Variants in ZCCHC4 observed in about 807,000 individuals in gnomAD.
ZCCHC4 encodes zinc finger CCHC-type containing 4.
In ZCCHC4, 54 loss-of-function variants were observed where a neutral mutation model predicts 67.7. The ratio of observed to expected loss-of-function variants is 0.80; its 90% confidence interval spans 0.64 to 1.00. The LOEUF (loss-of-function observed/expected upper bound fraction) is 1.00, where lower values mean the gene tolerates loss of function less well. Ranked by LOEUF, ZCCHC4 falls within the 50% of genes least tolerant of loss-of-function variation. The pLI, the probability that ZCCHC4 is intolerant of heterozygous loss-of-function variation, is 0.00. For synonymous variants in ZCCHC4, 198 were observed against 213.5 expected (o/e 0.93, Z 0.63); for missense variants, 609 against 617.0 (o/e 0.99, Z 0.14).
At chr4:25,328,807 T>C (rs1323461095) in intron 3 of ZCCHC4, among the ~76,000 whole-genome samples, 30 of 152,242 alleles carry the variant, frequency 2.0e-4, no homozygotes. Context: ...GGTCTCGAAC[T>C]CCTGGGCTCA....
intron 5 of ZCCHC4, among the ~76,000 whole-genome samples, chr4:25,339,846 T>C (rs1719638876): frequency 6.6e-6 from 1 of 152,124 alleles, no homozygotes; most frequent in African/African-American, 2.4e-5. Context: ...TTTTTGCTTT[T>C]ACACTTAGGT....
rs553713697 is a variant in ZCCHC4, at chr4:25,318,556, T to C, written c.329+3156T>C. Among the ~76,000 whole-genome samples the C allele has an allele frequency of 4.2e-4, 64 of 151,798 alleles. No homozygotes were observed. In the South Asian group the frequency reaches 9.2e-3, roughly 22 times the overall value. On this transcript the variant is annotated intron_variant, in intron 3 of 12. Transcript: ENST00000302874. ...TTTTAGTAGAGACGGGGTTTCACCA[T>C]GTTGGCCAGGCTGGTGTCAAACTCC...
intron 1 of ZCCHC4, 140 bp from the exon 2 acceptor site, chr4:25,313,906 C>A: frequency 1.7e-6 from 1 of 603,926 alleles, no homozygotes; most frequent in Non-Finnish European, 2.9e-6. Flanking sequence ...AAAAAACAAC[C>A]AACCAAAGAG....
rs1720655934 is a variant in ZCCHC4 at position 25,359,869 on chromosome 4, T to C, written c.1012-1990T>C. 6.6e-6 allele frequency among the ~76,000 whole-genome samples: 1 copy of C among 152,214 alleles called. No homozygotes were observed. Among genetic ancestry groups the C allele is most frequent in the African/African-American group, 2.4e-5 (1 of 41,468 alleles). ...ATGAGGGAACTGGCCGAGGTTTCCC[T>C]CCCGAGGAGGCCACATGTGAAATTA... On this transcript the variant is annotated intron_variant, in intron 8 of 12. Coordinates refer to ENST00000302874, the MANE Select transcript of ZCCHC4 (RefSeq NM_024936.3). The surrounding 1 kb of genome is among the most constrained non-coding windows in gnomAD (Gnocchi z 4.9).
chr4:25,350,538 G>A (rs938251144), intron 7 of ZCCHC4, among the ~76,000 whole-genome samples: 3 of 152,006 alleles, frequency 2.0e-5, no homozygotes, highest in African/African-American at 7.2e-5. Context: ...CAAAGTGCTG[G>A]ATTACAGGCG....
At chr4:25,337,494 C>T (rs1355833475) in intron 5 of ZCCHC4, among the ~76,000 whole-genome samples, 3 of 152,156 alleles carry the variant, frequency 2.0e-5, no homozygotes, top group East Asian at 1.9e-4. Flanking sequence ...AGCAAAACTC[C>T]AGAGAGTGTT....
At chr4:25,320,649 A>G (rs1322542790) in intron 3 of ZCCHC4, among the ~76,000 whole-genome samples, 1 of 152,226 alleles carries the variant, frequency 6.6e-6, no homozygotes, top group African/African-American at 2.4e-5. Context: ...ACCTTTTAGA[A>G]GGCCATGTGT....
At chr4:25,352,098 T>A (rs1287704772) in intron 8 of ZCCHC4, 13 of 988,482 alleles carry the variant, frequency 1.3e-5, no homozygotes, top group Non-Finnish European at 1.6e-5. Context: ...TAAATCACCT[T>A]TGTGGTTGGT....
At chr4:25,324,308 C>T (rs1487293095) in intron 3 of ZCCHC4, among the ~76,000 whole-genome samples, 1 of 151,906 alleles carries the variant, frequency 6.6e-6, no homozygotes, top group Non-Finnish European at 1.5e-5. Flanking sequence ...AGCCACTGTG[C>T]CTGGCCAGTA....
At chr4:25,329,516 C>T (rs1164939540) in intron 3 of ZCCHC4, among the ~76,000 whole-genome samples, 9 of 143,548 alleles carry the variant, frequency 6.3e-5, no homozygotes, top group Non-Finnish European at 9.1e-5. Context: ...TTGTAGATTT[C>T]GTCTTTTTAT....
At chr4:25,365,615 C>A (rs907668105) in intron 12 of ZCCHC4, 1 of 986,028 alleles carries the variant, frequency 1.0e-6, no homozygotes, top group African/African-American at 1.7e-5. Flanking sequence ...AAAGCTATTT[C>A]TTTGTATCAA....
At chr4:25,344,766 T>G (rs1057143569) in intron 5 of ZCCHC4, among the ~76,000 whole-genome samples, 12 of 151,472 alleles carry the variant, frequency 7.9e-5, no homozygotes, top group Non-Finnish European at 1.8e-4. Flanking sequence ...CATATTTTAT[T>G]AAGCTAGCCT....
chr4:25,317,704 C>CAA (rs778867924), intron 3 of ZCCHC4, among the ~76,000 whole-genome samples: 4,129 of 72,132 alleles, frequency 0.057, 280 homozygotes, highest in South Asian at 0.095. Context: ...GACGCTGTCA[C>CAA]AAAAAAAAAA....
chr4:25,323,419 TATCACTATGAAA>T (rs1477246636), intron 3 of ZCCHC4, among the ~76,000 whole-genome samples: 1 of 151,252 alleles, frequency 6.6e-6, no homozygotes, highest in Non-Finnish European at 1.5e-5. Flanking sequence ...TTTTTTTTCA[TATCACTATGAAA>T]ATATGTATTT....
At chr4:25,361,483 A>G (rs1019484163) in intron 8 of ZCCHC4, among the ~76,000 whole-genome samples, 1 of 152,250 alleles carries the variant, frequency 6.6e-6, no homozygotes, top group Admixed American at 6.5e-5. Flanking sequence ...TGTGAGGCTC[A>G]TTAGGTGATC....
intron 5 of ZCCHC4, among the ~76,000 whole-genome samples, chr4:25,337,598 A>C (rs1052087984): frequency 2.0e-5 from 3 of 152,166 alleles, no homozygotes; most frequent in Admixed American, 1.3e-4. Context: ...CCAATCACAC[A>C]GAGTTGGTTC....
chr4:25,364,902 C>A, intron 11 of ZCCHC4, 120 bp from the exon 12 acceptor site: 2 of 1,344,844 alleles, frequency 1.5e-6, no homozygotes, highest in Non-Finnish European at 2.0e-6. Flanking sequence ...CTAAAACTAG[C>A]TGTGCAAACT....
intron 8 of ZCCHC4, chr4:25,352,082 G>A (rs1448632321): frequency 2.0e-6 from 2 of 990,370 alleles, no homozygotes; most frequent in African/African-American, 3.5e-5. Flanking sequence ...AGGGCATATA[G>A]AAAAGTAAAT....
chr4:25,347,733 C>A (rs1420964355), intron 6 of ZCCHC4, among the ~76,000 whole-genome samples: 1 of 152,182 alleles, frequency 6.6e-6, no homozygotes, highest in Non-Finnish European at 1.5e-5. Context: ...CCACTAGATT[C>A]AAAAGCTGGA....
Sources: gnomAD v4.1 joint callset for allele counts (sites outside exome capture counted in the v4.1 genomes callset) on GRCh38, gnomAD v4.1.1 for gene constraint, Gnocchi (gnomAD v3.1) non-coding constraint, MANE v1.5 for transcripts, NCBI Gene and HGNC (gene_info 2026-07-23, HGNC 2026-07-21) for gene names.